DOCK8: variants seen among roughly 807,000 people sequenced by gnomAD.
The protein encoded by DOCK8 is dedicator of cytokinesis protein 8.
DOCK8 carries 141 observed loss-of-function variants against 245.6 expected under a neutral mutation model. The ratio of observed to expected loss-of-function variants is 0.57; its 90% CI spans 0.50 to 0.66. The LOEUF (loss-of-function observed/expected upper bound fraction) is 0.66, where lower values mean the gene tolerates loss of function less well. DOCK8 is among the 30% of genes least tolerant of loss of function. DOCK8 has a pLI of 0.00. For synonymous variants in DOCK8, 1,168 were observed against 970.2 expected (o/e 1.20, Z -3.79); for missense variants, 2,965 against 2,603.4 (o/e 1.14, Z -3.02).
chr9:410,135 A>G (rs951473402), intron 28 of DOCK8, among the ~76,000 whole-genome samples: 2 of 152,150 alleles, frequency 1.3e-5, no homozygotes, highest in Admixed American at 6.5e-5. Context: ...ACTTTTTATT[A>G]TAGTATAATT....
chr9:429,182 G>A (rs1312986816), intron 35 of DOCK8, among the ~76,000 whole-genome samples: 1 of 152,152 alleles, frequency 6.6e-6, no homozygotes, highest in Non-Finnish European at 1.5e-5. Flanking sequence ...GGCCAGGCTG[G>A]TCTTGAACTC....
chr9:449,096 A>G (rs1019966255), intron 44 of DOCK8, among the ~76,000 whole-genome samples: 3 of 152,194 alleles, frequency 2.0e-5, no homozygotes, highest in African/African-American at 7.2e-5. Flanking sequence ...CTTGCCTGTA[A>G]TCCCAGCACT....
intron 24 of DOCK8, among the ~76,000 whole-genome samples, chr9:394,178 G>A (rs1395355979): frequency 6.6e-6 from 1 of 152,120 alleles, no homozygotes; most frequent in Non-Finnish European, 1.5e-5. Flanking sequence ...ACTCCAACTG[G>A]AAGCCAAAGG....
chr9:224,803 C>A (rs1312583067), intron 1 of DOCK8, among the ~76,000 whole-genome samples: 2 of 152,168 alleles, frequency 1.3e-5, no homozygotes, highest in African/African-American at 4.8e-5. Flanking sequence ...GCATTGCAGT[C>A]CACTTTCACC....
At position 421,053 on chromosome 9, in the gene DOCK8, G is replaced by C; in HGVS notation, c.4128G>C (p.Gly1376=). 6.2e-7 allele frequency: 1 copy of C among 1,614,192 alleles called. No homozygotes were observed. The highest frequency in any genetic ancestry group is 8.5e-7 in the Non-Finnish European group (1 of 1,180,038). Residue 1376 remains glycine (G), a synonymous_variant, in exon 32 of 48, where the codon GGG becomes GGC. Transcript: ENST00000432829. The stretch of plus-strand genomic sequence containing the variant: ...TGCTCCGTGGGGAAGGGGCCAGAGG[G>C]GAGATGATGCGCCGCCGGGCTCCAG... The part of the protein sequence containing the change: ...EALLRGEGAR[G]EMMRRRAPGN...
rs1462226283 is a variant in DOCK8, at chr9:214,867, C to G, written c.-110C>G. The G allele has an allele frequency of 1.9e-6, 3 of 1,601,954 alleles. No individual in the cohort carries two copies. The Admixed American group carries it at 5.1e-5, about 27-fold the overall frequency. ...TGCGGAAGTTTCCAGCGCCGACCGA[C>G]AGACGAGGTTTGCGCTTGGCTGGGC... On this transcript the variant is annotated 5_prime_UTR_variant, in exon 1 of 48. Transcript: ENST00000432829.
rs34609670 is a variant in DOCK8 at position 318,049 on chromosome 9, CATA to C, written c.827+925_827+927del. Among the ~76,000 whole-genome samples, 178 of 151,784 alleles carry C rather than the reference CATA, an allele frequency of 1.2e-3. 1 individual carries two copies. Among genetic ancestry groups the C allele is most frequent in the Non-Finnish European group, 1.6e-3 (109 of 67,912 alleles). On this transcript the variant is annotated intron_variant, in intron 7 of 47. Coordinates refer to ENST00000432829, the MANE Select transcript of DOCK8 (RefSeq NM_203447.4). ...TTAAAATATTATCTACATTATAAAACATAATAGAAATTTTAAAGATGAACTAGA... is the reference window on the plus strand; with the variant it reads ...TTAAAATATTATCTACATTATAAAACATAGAAATTTTAAAGATGAACTAGA...
At chr9:386,663 C>T (rs1310224087) in intron 23 of DOCK8, among the ~76,000 whole-genome samples, 1 of 152,160 alleles carries the variant, frequency 6.6e-6, no homozygotes, top group Non-Finnish European at 1.5e-5. Flanking sequence ...TACCTGGAAG[C>T]CTTGTTAAAA....
At chr9:323,454 C>G (rs1445427896) in intron 7 of DOCK8, among the ~76,000 whole-genome samples, 1 of 152,024 alleles carries the variant, frequency 6.6e-6, no homozygotes, top group African/African-American at 2.4e-5. Context: ...AACTCCTGAC[C>G]TCATGATCCG....
chr9:401,017 G>C (rs868210315), intron 26 of DOCK8, among the ~76,000 whole-genome samples: 1,427 of 59,422 alleles, frequency 0.024, 84 homozygotes, highest in Non-Finnish European at 0.03. Context: ...GCTCCACCAT[G>C]ACCACCTCCT....
chr9:275,104 G>A (rs1175065655), intron 2 of DOCK8, among the ~76,000 whole-genome samples: 1 of 152,192 alleles, frequency 6.6e-6, no homozygotes, highest in Admixed American at 6.5e-5. Context: ...TAATCTCTCT[G>A]AAGACTTCAG....
chr9:303,240 A>T (rs2049639257), intron 4 of DOCK8, among the ~76,000 whole-genome samples: 1 of 152,180 alleles, frequency 6.6e-6, no homozygotes, highest in African/African-American at 2.4e-5. Flanking sequence ...TTTCTGAAAG[A>T]ACTTAAAACA....
chr9:322,841 C>A (rs1221955069), intron 7 of DOCK8, among the ~76,000 whole-genome samples: 1 of 152,040 alleles, frequency 6.6e-6, no homozygotes, highest in Non-Finnish European at 1.5e-5. Context: ...ACCTGTAATC[C>A]CAGTACTTTG....
At chr9:327,973 A>G (rs1169456656) in intron 8 of DOCK8, 49 bp from the exon 9 acceptor site, 3 of 1,575,668 alleles carry the variant, frequency 1.9e-6, no homozygotes, top group Admixed American at 1.7e-5. Context: ...TGTTTAAACC[A>G]TGAATGCAAC....
chr9:292,956 G>T (rs1240303113), intron 4 of DOCK8, among the ~76,000 whole-genome samples: 1 of 152,000 alleles, frequency 6.6e-6, no homozygotes, highest in Non-Finnish European at 1.5e-5. Flanking sequence ...AGAAGCAATG[G>T]TTACCCATAT....
chr9:446,710 G>A (rs2057274294), intron 44 of DOCK8, 104 bp downstream of exon 44: 1 of 1,000,890 alleles, frequency 1.0e-6, no homozygotes, highest in Non-Finnish European at 1.6e-6. Flanking sequence ...AAAACAAGGA[G>A]GGATGCACTT....
intron 1 of DOCK8, among the ~76,000 whole-genome samples, chr9:217,600 G>T (rs561337565): frequency 9.8e-5 from 15 of 152,324 alleles, no homozygotes; most frequent in African/African-American, 2.9e-4. Context: ...TCTGTGTGTT[G>T]TGTGGGAGAG....
At chr9:420,306 C>T (rs755674130) in intron 30 of DOCK8, 95 bp from the exon 31 acceptor site, 110 of 1,342,762 alleles carry the variant, frequency 8.2e-5, no homozygotes, top group Middle Eastern at 2.5e-4. Flanking sequence ...TAAGAGAACA[C>T]TTTGAATTTT....
intron 29 of DOCK8, among the ~76,000 whole-genome samples, chr9:416,813 A>G (rs578210286): frequency 2.6e-4 from 39 of 152,314 alleles, no homozygotes; most frequent in Admixed American, 1.6e-3. Flanking sequence ...CTATAAAAGC[A>G]TTTTGCACAG....
Sources: allele counts gnomAD v4.1 joint callset (sites outside exome capture counted in the v4.1 genomes callset), GRCh38; gene constraint gnomAD v4.1.1; transcripts MANE v1.5; gene names NCBI Gene and HGNC (gene_info 2026-07-23, HGNC 2026-07-21).